Variants in PRKCG observed in about 807,000 individuals in gnomAD.
The protein encoded by PRKCG is protein kinase C gamma.
In PRKCG, 28 loss-of-function variants were observed where a neutral mutation model predicts 82.0. The ratio of observed to expected loss-of-function variants is 0.34; its 90% CI spans 0.25 to 0.47. The LOEUF is 0.47. PRKCG is among the 20% of genes least tolerant of loss of function. PRKCG has a pLI of 1.00. For missense variants in PRKCG, 640 were observed against 952.7 expected (o/e 0.67, Z 4.32); for synonymous variants, 383 against 376.6 (o/e 1.02, Z -0.20).
At chr19:53,898,727 T>G in intron 11 of PRKCG, 99 bp downstream of exon 11, 1 of 1,131,050 alleles carries the variant, frequency 8.8e-7, no homozygotes, top group South Asian at 1.3e-5. Flanking sequence ...GCAAGAGAAC[T>G]TTGTGCTCTC....
In PRKCG at chr19:53,889,541, C is replaced by A; in HGVS notation, c.286-97C>A. 1 of 866,120 alleles carries A rather than the reference C, an allele frequency of 1.2e-6. No individual in the cohort carries two copies. Among genetic ancestry groups the A allele is most frequent in the Non-Finnish European group, 1.9e-6 (1 of 519,578 alleles). 53.7% of individuals were successfully genotyped at this position (866,120 alleles called of 1,614,324 possible). ...TGAAAGAGATGGAGCCTCAGGCTGA[C>A]CTAGAGAGCAAGGCAGGAGGAAAAG... On this transcript the variant is annotated intron_variant, in intron 3 of 17. Transcript: ENST00000263431. The surrounding 1 kb of genome is among the most constrained non-coding windows in gnomAD (Gnocchi z 4.4).
chr19:53,897,963 T>C lies in PRKCG; in HGVS notation c.944T>C (p.Val315Ala). 1 of 1,613,882 alleles carries C rather than the reference T, an allele frequency of 6.2e-7. No individual in the cohort carries two copies. Among genetic ancestry groups the C allele is most frequent in the Non-Finnish European group, 8.5e-7 (1 of 1,179,994 alleles). Reference protein sequence around the residue: ...CNYPLELYERVRMGPSSSPIP... With the variant: ...CNYPLELYERARMGPSSSPIP... ...CTTTCTTTCTCCTTTCCACAGCGGG[T>C]GCGGATGGGCCCCTCTTCCTCTCCC... The change falls in exon 10 of 18, where the codon GTG (valine) becomes GCG (alanine). Residue 315 changes from valine to alanine, a missense_variant. By Grantham distance (64) the Val-to-Ala change is moderately conservative. Around this residue, in one of 7 missense-constraint regions of PRKCG, gnomAD observed 261 missense variants for 312.1 expected, o/e 0.84. Coordinates refer to ENST00000263431, the MANE Select transcript of PRKCG (RefSeq NM_002739.5).
In PRKCG at chr19:53,892,849, C is replaced by G; in HGVS notation, c.822-139C>G. 9.4e-7 allele frequency: 1 copy of G among 1,068,824 alleles called. No individual in the cohort carries two copies. The highest frequency in any genetic ancestry group is 1.4e-5 in the South Asian group (1 of 74,072). 66.2% of individuals were successfully genotyped at this position (1,068,824 alleles called of 1,614,324 possible). ...TTCTCCCCTCCCTTTCTCCCTCTCC[C>G]TCTCTTTTTATCTCACTCTTTCTCT... On this transcript the variant is annotated intron_variant, in intron 7 of 17. Coordinates refer to ENST00000263431, the MANE Select transcript of PRKCG (RefSeq NM_002739.5). This position sits in a 1 kb window ranked among gnomAD's most constrained non-coding sequence, Gnocchi z 5.9.
chr19:53,902,659 C>T (rs996802834), intron 14 of PRKCG, among the ~76,000 whole-genome samples: 11 of 151,892 alleles, frequency 7.2e-5, no homozygotes, highest in South Asian at 2.1e-4. Flanking sequence ...CTTTGGGAGG[C>T]GGAGGCAGGC....
intron 3 of PRKCG, among the ~76,000 whole-genome samples, chr19:53,886,692 G>A (rs758424789): frequency 4.6e-5 from 7 of 152,196 alleles, no homozygotes; most frequent in Non-Finnish European, 8.8e-5. Context: ...GATTACAGGC[G>A]TGAGCCACTG....
chr19:53,887,851 G>A (rs1038103341), intron 3 of PRKCG, among the ~76,000 whole-genome samples: 52 of 144,224 alleles, frequency 3.6e-4, no homozygotes, highest in Middle Eastern at 3.6e-3. Flanking sequence ...AAAAAAAAAA[G>A]TAACATGGAT....
Position 53,892,089 on chromosome 19 carries a change from AAGAG to A in PRKCG, c.686+264_686+267del, listed in dbSNP as rs957836626. Reference sequence around the variant, plus strand: ...AGAGTTAGACAGAGATGAGAGAGAGAAGAGAGAGTCTCAGAAGAGGCAGAAACCC... The same window carrying A: ...AGAGTTAGACAGAGATGAGAGAGAGAAGAGTCTCAGAAGAGGCAGAAACCC... On this transcript the variant is annotated intron_variant, in intron 6 of 17. Transcript: ENST00000263431. The surrounding 1 kb of genome is among the most constrained non-coding windows in gnomAD (Gnocchi z 5.9). Among the ~76,000 whole-genome samples, 1 of 152,062 alleles carries A rather than the reference AAGAG, an allele frequency of 6.6e-6. No homozygotes were observed. Among genetic ancestry groups the A allele is most frequent in the Non-Finnish European group, 1.5e-5 (1 of 67,994 alleles).
At chr19:53,891,228 G>A (rs1000836491) in intron 5 of PRKCG, among the ~76,000 whole-genome samples, 7 of 151,770 alleles carry the variant, frequency 4.6e-5, no homozygotes, top group African/African-American at 1.7e-4. Context: ...TGTCTTCTGG[G>A]TTCTGGAGAG....
Position 53,892,515 on chromosome 19 carries a change from G to T in PRKCG, c.693G>T (p.Leu231=). 1 of 1,611,992 alleles carries T rather than the reference G, an allele frequency of 6.2e-7. No individual in the cohort carries two copies. ...CCACCCCACCTTCCTGCAGCAACCT[G>T]AAGCCAGGGGATGTGGAGCGCCGGC... The part of the protein sequence containing the change: ...PVWNETFVFN[L]KPGDVERRLS... The change falls in exon 7 of 18, where the codon CTG becomes CTT. Residue 231 remains leucine (L), a synonymous_variant. Transcript: ENST00000263431. This position sits in a 1 kb window ranked among gnomAD's most constrained non-coding sequence, Gnocchi z 5.9.
At chr19:53,906,072 C>T (rs755649488) in intron 16 of PRKCG, among the ~76,000 whole-genome samples, 58 of 52,258 alleles carry the variant, frequency 1.1e-3, no homozygotes, top group East Asian at 3.1e-3. Context: ...TCCTCCTCCT[C>T]CTCCTCCTCC....
upstream of PRKCG, among the ~76,000 whole-genome samples, chr19:53,881,243 C>A (rs1007111032): frequency 3.3e-5 from 5 of 151,426 alleles, no homozygotes; most frequent in South Asian, 2.1e-4. Flanking sequence ...GTTGCAGAAC[C>A]GGAGGAAGGG....
At chr19:53,896,675 C>G (rs2068720658) in intron 9 of PRKCG, among the ~76,000 whole-genome samples, 1 of 152,178 alleles carries the variant, frequency 6.6e-6, no homozygotes, top group African/African-American at 2.4e-5. Flanking sequence ...CCACCTCGGC[C>G]TCCCAAAGTG....
chr19:53,883,510 C>A lies in PRKCG; in HGVS notation c.202+316C>A, dbSNP rs2068608758. On this transcript the variant is annotated intron_variant, in intron 2 of 17. Transcript: ENST00000263431. The surrounding 1 kb of genome is among the most constrained non-coding windows in gnomAD (Gnocchi z 5.4). ...GGGAAGGGGGAGGGGGCTGGAGATG[C>A]AAAGTCAGAGCCCCCCCCCACCCCA... Among the ~76,000 whole-genome samples the A allele has an allele frequency of 6.6e-6, 1 of 151,684 alleles. No individual in the cohort carries two copies.
intron 9 of PRKCG, among the ~76,000 whole-genome samples, chr19:53,894,446 T>TTTTC (rs200682106): frequency 2.1e-4 from 31 of 149,874 alleles, no homozygotes; most frequent in East Asian, 3.9e-4. Flanking sequence ...ATATCCTTCT[T>TTTTC]TTTCTTTCTT....
Position 53,884,786 on chromosome 19 carries a change from C to A in PRKCG, c.285+543C>A, listed in dbSNP as rs2068619822. 6.6e-6 allele frequency among the ~76,000 whole-genome samples: 1 copy of A among 152,104 alleles called. No homozygotes were observed. The highest frequency in any genetic ancestry group is 1.5e-5 in the Non-Finnish European group (1 of 68,020). On this transcript the variant is annotated intron_variant, in intron 3 of 17. Transcript: ENST00000263431. This position sits in a 1 kb window ranked among gnomAD's most constrained non-coding sequence, Gnocchi z 4.6. ...AGACACAGACACCTGGAGAAAGAGACTAAAATAGAAAATGGTGGATACAGA... is the reference window on the plus strand; with the variant it reads ...AGACACAGACACCTGGAGAAAGAGAATAAAATAGAAAATGGTGGATACAGA...
At chr19:53,895,882 T>G (rs895117938) in intron 9 of PRKCG, among the ~76,000 whole-genome samples, 1 of 151,604 alleles carries the variant, frequency 6.6e-6, no homozygotes, top group Non-Finnish European at 1.5e-5. Flanking sequence ...ACACGGTGAA[T>G]CCCCGTCTCT....
In PRKCG at chr19:53,898,571, G is replaced by T. The variant is rs1465155401; in HGVS notation, c.1224G>T (p.Arg408=). The change falls in exon 11 of 18, where the codon CGG becomes CGT. Residue 408 remains arginine (R), a synonymous_variant. Transcript: ENST00000263431. ...AACGTGTGCTGGCGCTGGGGGGCCG[G>T]GGTCCTGGCGGCCGGCCCCACTTCC... ...VEKRVLALGG[R]GPGGRPHFLT... The T allele has an allele frequency of 6.2e-7, 1 of 1,610,518 alleles. No individual in the cohort carries two copies. Among genetic ancestry groups the T allele is most frequent in the Admixed American group, 1.7e-5 (1 of 59,698 alleles).
Position 53,884,863 on chromosome 19 carries a change from T to G in PRKCG, c.285+620T>G, listed in dbSNP as rs920202654. ...GACCCAGGGAAGTCCCACAGTACAC[T>G]TGCACACATGTGCGTGCATGTACAG... On this transcript the variant is annotated intron_variant, in intron 3 of 17. Transcript: ENST00000263431. The surrounding 1 kb of genome is among the most constrained non-coding windows in gnomAD (Gnocchi z 4.6). Among the ~76,000 whole-genome samples the G allele has an allele frequency of 1.3e-5, 2 of 152,220 alleles. No homozygotes were observed. Among genetic ancestry groups the G allele is most frequent in the Admixed American group, 6.5e-5 (1 of 15,286 alleles).
chr19:53,891,526 C>T lies in PRKCG; in HGVS notation c.530-148C>T. 4.4e-6 allele frequency: 4 copies of T among 918,096 alleles called. 1 individual carries two copies. The highest frequency in any genetic ancestry group is 5.4e-4 in the Middle Eastern group (2 of 3,732). 56.9% of individuals were successfully genotyped at this position (918,096 alleles called of 1,614,324 possible). ...CTCGATCTCCTGACCTTGTGATCCG[C>T]CCGCCTTGGCCTCCCAAAGTGCTGG... On this transcript the variant is annotated intron_variant, in intron 5 of 17. Coordinates refer to ENST00000263431, the MANE Select transcript of PRKCG (RefSeq NM_002739.5).
Sources: gnomAD v4.1 joint callset for allele counts (sites outside exome capture counted in the v4.1 genomes callset) on GRCh38, gnomAD v4.1.1 for gene constraint, gnomAD v4.1.1 regional missense constraint, Gnocchi (gnomAD v3.1) non-coding constraint, MANE v1.5 for transcripts, NCBI Gene and HGNC (gene_info 2026-07-23, HGNC 2026-07-21) for gene names.